Variants in PRH1 observed in about 807,000 individuals in gnomAD.
PRH1 encodes proline rich protein HaeIII subfamily 1.
PRH1 carries 7 observed loss-of-function variants against 7.9 expected under a neutral mutation model. The ratio of observed to expected loss-of-function variants is 0.89; its 90% CI spans 0.50 to 1.67. The LOEUF is 1.67. Among genes scored for constraint, PRH1 ranks in the 40% most tolerant of loss-of-function variants. The probability of loss-of-function intolerance (pLI) is 0.00; values close to 1 mark genes in which losing one functional copy is unlikely to be tolerated. For synonymous variants in PRH1, 45 were observed against 80.8 expected (o/e 0.56, Z 2.38); for missense variants, 109 against 223.6 (o/e 0.49, Z 3.27).
intron 1 of PRH1, chr12:10,986,151 A>G (rs373573732): frequency 6.2e-7 from 1 of 1,613,968 alleles, no homozygotes; most frequent in Non-Finnish European, 8.5e-7. Flanking sequence ...AATGGCACAT[A>G]ACAAGAGGAA....
intron 1 of PRH1, among the ~76,000 whole-genome samples, chr12:11,042,924 C>T (rs544601268): frequency 9.9e-5 from 15 of 152,124 alleles, no homozygotes; most frequent in South Asian, 4.2e-4. Context: ...CCACCAGGCC[C>T]GGCCCAGGCT....
intron 1 of PRH1, among the ~76,000 whole-genome samples, chr12:11,130,624 T>C (rs185426539): frequency 3.3e-5 from 5 of 152,278 alleles, no homozygotes; most frequent in African/African-American, 7.2e-5. Flanking sequence ...GAGGCATGCA[T>C]AGTGGGCATT....
At chr12:10,938,509 C>T (rs779672635) in intron 2 of PRH1, 3 of 1,613,980 alleles carry the variant, frequency 1.9e-6, no homozygotes, top group Non-Finnish European at 2.5e-6. Flanking sequence ...AGAAAGTGAT[C>T]ACACTTTTAA....
chr12:10,943,397 A>C (rs1182968430), intron 2 of PRH1, among the ~76,000 whole-genome samples: 1 of 152,128 alleles, frequency 6.6e-6, no homozygotes, highest in Non-Finnish European at 1.5e-5. Flanking sequence ...GTGTCTGTTC[A>C]GGTCTTTTGC....
At chr12:11,073,377 G>A (rs1167860316) in intron 1 of PRH1, among the ~76,000 whole-genome samples, 1 of 124,336 alleles carries the variant, frequency 8.0e-6, no homozygotes, top group Non-Finnish European at 1.9e-5. Flanking sequence ...CAAGTGATCT[G>A]CCCACCTTGG....
intron 1 of PRH1, among the ~76,000 whole-genome samples, chr12:11,021,008 G>T (rs1241737518): frequency 1.3e-5 from 2 of 152,134 alleles, no homozygotes; most frequent in East Asian, 3.8e-4. Flanking sequence ...TTATAGAAAT[G>T]ATTTTTATTC....
chr12:11,121,869 A>G (rs995860909), intron 1 of PRH1, among the ~76,000 whole-genome samples: 6 of 152,214 alleles, frequency 3.9e-5, no homozygotes, highest in Non-Finnish European at 7.4e-5. Context: ...ATGTTCAAAC[A>G]ATGATAGTTA....
intron 2 of PRH1, among the ~76,000 whole-genome samples, chr12:10,940,196 T>G (rs1950375796): frequency 6.6e-6 from 1 of 152,172 alleles, no homozygotes; most frequent in South Asian, 2.1e-4. Context: ...TTTTTACAAG[T>G]ACATGCCCAG....
At position 11,082,150 on chromosome 12, in the gene PRH1, T is replaced by C. The variant is rs1011734253; in HGVS notation, n.124-34962A>G. 1.7e-5 allele frequency among the ~76,000 whole-genome samples: 2 copies of C among 116,094 alleles called. 1 individual carries two copies. The highest frequency in any genetic ancestry group is 4.1e-5 in the Non-Finnish European group (2 of 49,052). The allele number at this position is 116,094 out of a possible 152,430, so 76.2% of individuals were successfully genotyped here. A position where few individuals can be genotyped will look rare whatever the true frequency, so the allele number is the denominator to read the frequency against. ...ATTATGTATGTAAATATTTCAAAAA[T>C]AAATCATTTAATAAGACAGATGTAA... On this transcript the variant is annotated intron_variant and non_coding_transcript_variant, in intron 1 of 4. Transcript: ENST00000541977.
Position 10,881,177 on chromosome 12 carries a change from T to C in PRH1, c.*19-121A>G, listed in dbSNP as rs1591642172. On this transcript the variant is annotated intron_variant, in intron 3 of 3. Coordinates refer to ENST00000543626, the MANE Select transcript of PRH1 (RefSeq NM_001393989.1). ...TGCAAGCCCCTACTCTTGCCCTCTATCCCTTCTACAGCCCCCTTCTCCTTA... is the reference window on the plus strand; with the variant it reads ...TGCAAGCCCCTACTCTTGCCCTCTACCCCTTCTACAGCCCCCTTCTCCTTA... The C allele has an allele frequency of 2.6e-5, 4 of 154,346 alleles. No homozygotes were observed. In the East Asian group the frequency reaches 7.5e-4, roughly 29 times the overall value. 9.6% of individuals were successfully genotyped at this position (154,346 alleles called of 1,614,324 possible).
intron 1 of PRH1, among the ~76,000 whole-genome samples, chr12:11,023,759 T>A (rs1300735085): frequency 6.6e-6 from 1 of 152,196 alleles, no homozygotes; most frequent in African/African-American, 2.4e-5. Flanking sequence ...CTACCCTAAA[T>A]CAGCCAAACT....
At chr12:10,934,701 A>G (rs560582988) in intron 2 of PRH1, among the ~76,000 whole-genome samples, 1 of 152,254 alleles carries the variant, frequency 6.6e-6, no homozygotes, top group East Asian at 1.9e-4. Flanking sequence ...TTTTTCACAA[A>G]AAGATTATTT....
chr12:11,120,484 C>CT (rs1945863904), downstream of PRH1, among the ~76,000 whole-genome samples: 1 of 152,098 alleles, frequency 6.6e-6, no homozygotes, highest in Non-Finnish European at 1.5e-5. Context: ...TTACTTCAAC[C>CT]CAGTAACTCT....
At chr12:10,910,846 T>C (rs1277962512) in intron 2 of PRH1, among the ~76,000 whole-genome samples, 1 of 152,252 alleles carries the variant, frequency 6.6e-6, no homozygotes. Context: ...TTGTGAATTA[T>C]GAATGTTTGT....
At chr12:11,000,405 C>A (rs1316735232) in intron 1 of PRH1, among the ~76,000 whole-genome samples, 1 of 152,054 alleles carries the variant, frequency 6.6e-6, no homozygotes, top group Admixed American at 6.6e-5. Flanking sequence ...AGACATGATT[C>A]CATTGAATTC....
chr12:10,980,280 T>A (rs1430077274), intron 1 of PRH1, among the ~76,000 whole-genome samples: 1 of 152,146 alleles, frequency 6.6e-6, no homozygotes, highest in Non-Finnish European at 1.5e-5. Flanking sequence ...AAATAAAAAA[T>A]GGGTTAATCA....
chr12:10,932,230 T>C (rs754814787), intron 2 of PRH1: 19 of 437,548 alleles, frequency 4.3e-5, no homozygotes, highest in Non-Finnish European at 8.5e-5. Context: ...TTTCAGGAAG[T>C]GAATAAGAAG....
intron 1 of PRH1, among the ~76,000 whole-genome samples, chr12:11,009,869 T>G (rs1940990083): frequency 6.6e-6 from 1 of 151,958 alleles, no homozygotes; most frequent in Non-Finnish European, 1.5e-5. Flanking sequence ...GAACTAATTT[T>G]TACTTTGTTT....
At position 11,087,405 on chromosome 12, in the gene PRH1, T is replaced by A. The variant is rs1253266687; in HGVS notation, n.124-40217A>T. ...CATGACATCCAGCCTGCATTGAGAG[T>A]TTCTGAAGGTCAGATGCTACCTAGA... is the stretch of plus-strand genomic sequence containing the variant. On this transcript the variant is annotated intron_variant and non_coding_transcript_variant, in intron 1 of 4. Transcript: ENST00000541977. 1.7e-5 allele frequency among the ~76,000 whole-genome samples: 2 copies of A among 116,776 alleles called. 1 individual carries two copies. The highest frequency in any genetic ancestry group is 1.7e-4 in the Admixed American group (2 of 11,734). The allele number at this position is 116,776 out of a possible 152,430, so 76.6% of individuals were successfully genotyped here. A position where few individuals can be genotyped will look rare whatever the true frequency, so the allele number is the denominator to read the frequency against.
Sources: allele counts gnomAD v4.1 joint callset (sites outside exome capture counted in the v4.1 genomes callset), GRCh38; gene constraint gnomAD v4.1.1; transcripts MANE v1.5; gene names NCBI Gene and HGNC (gene_info 2026-07-23, HGNC 2026-07-21).